TRMT9B: variants seen among roughly 807,000 people sequenced by gnomAD.
TRMT9B encodes the protein tRNA methyltransferase 9B (putative).
Under a neutral mutation model 11.5 loss-of-function variants are expected in TRMT9B, and 16 were observed. That is an observed-to-expected ratio of 1.39 (90% CI 0.94 to 2.11). The LOEUF is 2.11. TRMT9B is among the 30% of genes most tolerant of loss of function. TRMT9B has a pLI of 0.00. For missense variants in TRMT9B, 941 were observed against 553.8 expected, an observed-to-expected ratio of 1.70 and a Z score of -7.02; for synonymous variants, 274 against 192.4, an observed-to-expected ratio of 1.42 and a Z score of -3.51.
At chr8:12,969,087 C>G (rs1209998459) in intron 1 of TRMT9B, among the ~76,000 whole-genome samples, 1 of 152,108 alleles carries the variant, frequency 6.6e-6, no homozygotes, top group Non-Finnish European at 1.5e-5. Context: ...GTAGCATGCA[C>G]CTGTAATTCT....
At position 13,026,990 on chromosome 8, in the gene TRMT9B, G is replaced by C. The variant is rs1814762486; in HGVS notation, c.*4946G>C. 6.0e-6 allele frequency: 1 copy of C among 166,820 alleles called. No homozygotes were observed. The highest frequency in any genetic ancestry group is 2.1e-4 in the South Asian group (1 of 4,814). 10.3% of individuals were successfully genotyped at this position (166,820 alleles called of 1,614,324 possible). A position where few individuals can be genotyped will look rare whatever the true frequency, so the allele number is the denominator to read the frequency against. On this transcript the variant is annotated 3_prime_UTR_variant, in exon 5 of 5. Transcript: ENST00000524591. ...TTGTAAATCTGTTTCGATTTGATTT[G>C]AATTAAAAAATAGTTCTTGGTTGCA...
rs922465366 is a variant in TRMT9B at position 13,022,879 on chromosome 8, A to C, written c.*835A>C. On this transcript the variant is annotated 3_prime_UTR_variant, in exon 5 of 5. Coordinates refer to ENST00000524591, the MANE Select transcript of TRMT9B (RefSeq NM_020844.3). ...ATGCCTGTCATCCAAGCTACTCAAG[A>C]GACTGAGGCAGGAGGATCACGTGAG... is the stretch of plus-strand genomic sequence containing the variant. The C allele has an allele frequency of 6.0e-6, 1 of 166,446 alleles. No homozygotes were observed. The highest frequency in any genetic ancestry group is 2.4e-5 in the African/African-American group (1 of 41,396). 10.3% of individuals were successfully genotyped at this position (166,446 alleles called of 1,614,324 possible). A position where few individuals can be genotyped will look rare whatever the true frequency, so the allele number is the denominator to read the frequency against.
chr8:13,006,772 G>A, intron 3 of TRMT9B: 1 of 595,150 alleles, frequency 1.7e-6, no homozygotes, highest in Non-Finnish European at 2.4e-6. Context: ...AGGTTCAACT[G>A]ATTCTCCTGC....
intron 1 of TRMT9B, among the ~76,000 whole-genome samples, chr8:12,973,578 A>G (rs1429868929): frequency 2.0e-5 from 3 of 152,196 alleles, no homozygotes; most frequent in African/African-American, 7.2e-5. Context: ...GTGGGCCACG[A>G]AAGACAGGTG....
intron 2 of TRMT9B, among the ~76,000 whole-genome samples, chr8:12,999,674 GTTTCTTA>G (rs1372858325): frequency 6.6e-6 from 1 of 152,112 alleles, no homozygotes; most frequent in South Asian, 2.1e-4. Flanking sequence ...ATGAAATCTT[GTTTCTTA>G]TTTAGAAGTT....
At chr8:12,965,026 C>T (rs1023013844) in intron 1 of TRMT9B, among the ~76,000 whole-genome samples, 1 of 152,098 alleles carries the variant, frequency 6.6e-6, no homozygotes, top group Admixed American at 6.5e-5. Context: ...CTTAATAACC[C>T]CTCCCACTAG....
chr8:13,022,580 G>A lies in TRMT9B; in HGVS notation c.*536G>A, dbSNP rs774037768. 6.0e-6 allele frequency: 1 copy of A among 167,144 alleles called. No homozygotes were observed. Among genetic ancestry groups the A allele is most frequent in the Non-Finnish European group, 1.5e-5 (1 of 68,162 alleles). The allele number at this position is 167,144 out of a possible 1,614,324, so 10.4% of individuals were successfully genotyped here. Reference sequence around the variant, plus strand: ...CTACTTAAAGTTTTCAGAAAACTGAGTGACAGTGGAGAGAAACAAGAAGTT... The same window carrying A: ...CTACTTAAAGTTTTCAGAAAACTGAATGACAGTGGAGAGAAACAAGAAGTT... On this transcript the variant is annotated 3_prime_UTR_variant, in exon 5 of 5. Coordinates refer to ENST00000524591, the MANE Select transcript of TRMT9B (RefSeq NM_020844.3).
At chr8:12,969,812 C>T (rs988805086) in intron 1 of TRMT9B, among the ~76,000 whole-genome samples, 8 of 151,182 alleles carry the variant, frequency 5.3e-5, no homozygotes, top group Admixed American at 1.3e-4. Context: ...GCTAGGACTA[C>T]AGGCCTGCAC....
chr8:12,999,313 A>AG (rs1808953279), intron 2 of TRMT9B, among the ~76,000 whole-genome samples: 1 of 147,350 alleles, frequency 6.8e-6, no homozygotes, highest in Non-Finnish European at 1.5e-5. Context: ...AAAAAAAAAA[A>AG]AAGAAAAGAA....
At chr8:12,973,770 C>A (rs1365645803) in intron 1 of TRMT9B, among the ~76,000 whole-genome samples, 1 of 152,164 alleles carries the variant, frequency 6.6e-6, no homozygotes, top group Non-Finnish European at 1.5e-5. Context: ...GTGAAAGATT[C>A]CATGAGATCC....
intron 1 of TRMT9B, among the ~76,000 whole-genome samples, chr8:12,964,459 C>T (rs771503441): frequency 1.4e-4 from 22 of 152,126 alleles, no homozygotes; most frequent in Admixed American, 2.0e-4. Flanking sequence ...GCCAGAGTTC[C>T]GTATTCCTGT....
At chr8:12,973,660 T>A (rs942824481) in intron 1 of TRMT9B, among the ~76,000 whole-genome samples, 5 of 149,376 alleles carry the variant, frequency 3.3e-5, no homozygotes, top group African/African-American at 4.9e-5. Context: ...TAGGGGTGGA[T>A]GACATGGAAC....
At chr8:12,994,470 T>C (rs1007348469) in intron 2 of TRMT9B, among the ~76,000 whole-genome samples, 47 of 152,342 alleles carry the variant, frequency 3.1e-4, no homozygotes, top group African/African-American at 1.1e-3. Context: ...CTTTCCTTTC[T>C]TCCCTTCGGT....
chr8:12,991,780 A>G (rs949627519), intron 2 of TRMT9B, among the ~76,000 whole-genome samples: 2 of 152,042 alleles, frequency 1.3e-5, no homozygotes, highest in Non-Finnish European at 1.5e-5. Flanking sequence ...AAAATGCACA[A>G]CTTAGCCAGG....
intron 2 of TRMT9B, among the ~76,000 whole-genome samples, chr8:13,001,148 C>T (rs1809360085): frequency 6.6e-6 from 1 of 152,178 alleles, no homozygotes; most frequent in Non-Finnish European, 1.5e-5. Flanking sequence ...TTGCTTCATC[C>T]ATATGTGCAT....
At chr8:12,985,955 G>T (rs1056991944) in intron 1 of TRMT9B, among the ~76,000 whole-genome samples, 3 of 152,076 alleles carry the variant, frequency 2.0e-5, no homozygotes, top group African/African-American at 7.2e-5. Flanking sequence ...CCGCCTCCCA[G>T]GTTCAAATGG....
chr8:13,017,999 T>TGGGG, intron 4 of TRMT9B, among the ~76,000 whole-genome samples: 2 of 150,518 alleles, frequency 1.3e-5, no homozygotes, highest in Non-Finnish European at 2.9e-5. Flanking sequence ...TAAAACATAA[T>TGGGG]ATGAACGACT....
intron 1 of TRMT9B, among the ~76,000 whole-genome samples, chr8:12,953,308 G>C (rs905819729): frequency 6.6e-6 from 1 of 152,130 alleles, no homozygotes; most frequent in Admixed American, 6.6e-5. Flanking sequence ...TGTGACATCA[G>C]CAAATGGAAG....
chr8:12,963,114 T>C (rs185228945), intron 1 of TRMT9B, among the ~76,000 whole-genome samples: 2 of 152,234 alleles, frequency 1.3e-5, no homozygotes, highest in African/African-American at 4.8e-5. Flanking sequence ...AGCTTTTTAT[T>C]ACAGGTAAAT....
Sources: allele counts gnomAD v4.1 joint callset (sites outside exome capture counted in the v4.1 genomes callset), GRCh38; gene constraint gnomAD v4.1.1; transcripts MANE v1.5; gene names NCBI Gene and HGNC (gene_info 2026-07-23, HGNC 2026-07-21).